Variants in RPH3A observed in about 807,000 individuals in gnomAD.
RPH3A encodes the protein rabphilin-3A.
A neutral mutation model predicts 102.2 loss-of-function variants in RPH3A; 48 were observed. The observed-to-expected ratio is 0.47, with a 90% CI of 0.37 to 0.60. RPH3A has a LOEUF of 0.60. Among genes scored for constraint, RPH3A ranks in the 20% least tolerant of loss-of-function variants. The pLI, the probability that RPH3A is intolerant of heterozygous loss-of-function variation, is 0.00. For missense variants in RPH3A, 781 were observed against 910.1 expected (o/e 0.86, Z 1.83); for synonymous variants, 310 against 324.3 (o/e 0.96, Z 0.47).
At chr12:112,830,469 G>A (rs1356867752) in intron 3 of RPH3A, among the ~76,000 whole-genome samples, 3 of 152,154 alleles carry the variant, frequency 2.0e-5, no homozygotes, top group East Asian at 1.9e-4. Flanking sequence ...TATGCTCAAT[G>A]AGTACATAAG....
chr12:112,677,391 CTCCCTCCCTCCCTCCCTCCT>C (rs2040185535), intron 1 of RPH3A, among the ~76,000 whole-genome samples: 2 of 58,214 alleles, frequency 3.4e-5, no homozygotes, highest in Admixed American at 4.2e-4. Flanking sequence ...CCCTCCCTCC[CTCCCTCCCTCCCTCCCTCCT>C]TCCCTCCTTC....
At chr12:112,884,330 C>G (rs1202590951) in intron 16 of RPH3A, among the ~76,000 whole-genome samples, 1 of 152,188 alleles carries the variant, frequency 6.6e-6, no homozygotes, top group East Asian at 1.9e-4. Flanking sequence ...TTTGTATATT[C>G]TATCTCCCAC....
intron 16 of RPH3A, among the ~76,000 whole-genome samples, chr12:112,885,066 G>C (rs2042982980): frequency 6.6e-6 from 1 of 152,102 alleles, no homozygotes; most frequent in Non-Finnish European, 1.5e-5. Context: ...TTGCTATTTA[G>C]TATTTTATTG....
rs112929864 is a variant in RPH3A at position 112,696,181 on chromosome 12, G to C, written c.-139-95962G>C. 3.9e-5 allele frequency among the ~76,000 whole-genome samples: 6 copies of C among 152,250 alleles called. 2 individuals are homozygous for C. Among genetic ancestry groups the C allele is most frequent in the African/African-American group, 1.4e-4 (6 of 41,530 alleles). On this transcript the variant is annotated intron_variant, in intron 1 of 21. Transcript: ENST00000543106. Reference sequence around the variant, plus strand: ...AGACATTGTTTTGTTCCTTTTTATGGCTGAGTAATATTCCATGGTGTATAT... The same window carrying C: ...AGACATTGTTTTGTTCCTTTTTATGCCTGAGTAATATTCCATGGTGTATAT...
intron 1 of RPH3A, among the ~76,000 whole-genome samples, chr12:112,701,238 G>T (rs1240791574): frequency 6.6e-6 from 1 of 152,102 alleles, no homozygotes; most frequent in Admixed American, 6.5e-5. Flanking sequence ...GGTGAGTTTT[G>T]AACAGAAAAA....
At chr12:112,591,330 C>T (rs2039476633) in intron 1 of RPH3A, among the ~76,000 whole-genome samples, 1 of 152,186 alleles carries the variant, frequency 6.6e-6, no homozygotes, top group South Asian at 2.1e-4. Context: ...AAGCGATCCT[C>T]CCACCTCAGC....
chr12:112,724,599 A>G (rs563246478), intron 1 of RPH3A, among the ~76,000 whole-genome samples: 13 of 152,348 alleles, frequency 8.5e-5, no homozygotes, highest in South Asian at 2.1e-4. Flanking sequence ...ATAGTCACCA[A>G]CCAGGTTATT....
At chr12:112,782,675 C>A (rs79180929) in intron 1 of RPH3A, among the ~76,000 whole-genome samples, 2 of 152,160 alleles carry the variant, frequency 1.3e-5, no homozygotes, top group African/African-American at 2.4e-5. Flanking sequence ...TGAATGGAGT[C>A]ATCTTTTCTA....
rs187600565 is a variant in RPH3A, at chr12:112,714,171, G to A, written c.-139-77972G>A. Among the ~76,000 whole-genome samples, 8 of 152,290 alleles carry A rather than the reference G, an allele frequency of 5.3e-5. 1 individual carries two copies. Among genetic ancestry groups the A allele is most frequent in the Admixed American group, 3.9e-4 (6 of 15,304 alleles). ...GTTCAGAAGGCTGGAGAGGGCACGA[G>A]CAGCCTCCTAGATATTGCAGACCCC... On this transcript the variant is annotated intron_variant, in intron 1 of 21. Coordinates refer to the RPH3A transcript ENST00000543106.
chr12:112,686,871 C>T (rs1455195664), intron 1 of RPH3A, among the ~76,000 whole-genome samples: 1 of 152,178 alleles, frequency 6.6e-6, no homozygotes, highest in Non-Finnish European at 1.5e-5. Flanking sequence ...GTGGCTCACG[C>T]CTGTAATCCT....
rs1555204011 is a variant in RPH3A, at chr12:112,713,051, C to CTTCTTCTTCTT, written c.-139-79092_-139-79091insTTCTTCTTCTT. On this transcript the variant is annotated intron_variant, in intron 1 of 21. Transcript: ENST00000543106. ...TTCTTCTTCTTCTTCTTCTTCTTCT[C>CTTCTTCTTCTT]CTTCTTCTTCTTCTTCTTCTTCTTC... 3.5e-3 allele frequency among the ~76,000 whole-genome samples: 304 copies of CTTCTTCTTCTT among 85,848 alleles called. 38 individuals are homozygous for CTTCTTCTTCTT. In the East Asian group the frequency reaches 0.038, roughly 11 times the overall value. The allele number at this position is 85,848 out of a possible 152,430, so 56.3% of individuals were successfully genotyped here.
intron 1 of RPH3A, among the ~76,000 whole-genome samples, chr12:112,776,830 T>G (rs1323573555): frequency 7.9e-6 from 1 of 125,788 alleles, no homozygotes. Flanking sequence ...GCCGAGATCA[T>G]GCCACTGTAC....
rs2041124224 is a variant in RPH3A, at chr12:112,791,905, A to AGAGAGAGAGAGAGAGAGAGAGT, written c.-247_-246insGAGAGAGAGAGAGAGAGAGAGT. ...GAGAGAGAGAGAGAGAGAGAGAGAG[A>AGAGAGAGAGAGAGAGAGAGAGT]CTCACAGAGCTAAAACCTTCATCCA... On this transcript the variant is annotated 5_prime_UTR_variant, in exon 1 of 22. Transcript: ENST00000389385. 1 of 148,980 alleles carries AGAGAGAGAGAGAGAGAGAGAGT rather than the reference A, an allele frequency of 6.7e-6. No individual in the cohort carries two copies. Among genetic ancestry groups the AGAGAGAGAGAGAGAGAGAGAGT allele is most frequent in the African/African-American group, 2.5e-5 (1 of 40,442 alleles). 9.2% of individuals were successfully genotyped at this position (148,980 alleles called of 1,614,324 possible).
Position 112,658,887 on chromosome 12 carries a change from A to G in RPH3A, c.-140+83568A>G, listed in dbSNP as rs1191144232. On this transcript the variant is annotated intron_variant, in intron 1 of 21. Coordinates refer to the RPH3A transcript ENST00000543106. ...GCCAACGGCGCCTCATGGTCCATCT[A>G]CTTGGGCTTGGAGGAAGGGGGAAAA... Among the ~76,000 whole-genome samples, 5 of 152,138 alleles carry G rather than the reference A, an allele frequency of 3.3e-5. No individual in the cohort carries two copies. The East Asian group carries it at 5.8e-4, about 18-fold the overall frequency.
At chr12:112,838,113 CAA>C (rs1773401348) in intron 4 of RPH3A, among the ~76,000 whole-genome samples, 1 of 152,104 alleles carries the variant, frequency 6.6e-6, no homozygotes, top group African/African-American at 2.4e-5. Flanking sequence ...CTGTGGAGCA[CAA>C]AGACAGTCAC....
intron 1 of RPH3A, among the ~76,000 whole-genome samples, chr12:112,581,123 A>C (rs2039397910): frequency 6.6e-6 from 1 of 152,142 alleles, no homozygotes; most frequent in South Asian, 2.1e-4. Context: ...TGTTTAGCAG[A>C]TTTGTATTAG....
rs531874695 is a variant in RPH3A at position 112,703,017 on chromosome 12, A to G, written c.-139-89126A>G. On this transcript the variant is annotated intron_variant, in intron 1 of 21. Coordinates refer to the RPH3A transcript ENST00000543106. Reference sequence around the variant, plus strand: ...ACTTGCTCTAGCCAACAGAATGACTAGGAAGCAAGGATGTGCCAGTTCTGA... The same window carrying G: ...ACTTGCTCTAGCCAACAGAATGACTGGGAAGCAAGGATGTGCCAGTTCTGA... Among the ~76,000 whole-genome samples the G allele has an allele frequency of 2.2e-4, 34 of 152,334 alleles. 1 individual carries two copies. In the South Asian group the frequency reaches 4.4e-3, roughly 20 times the overall value.
chr12:112,818,992 T>C (rs994959003), intron 2 of RPH3A, among the ~76,000 whole-genome samples: 1 of 152,048 alleles, frequency 6.6e-6, no homozygotes, highest in Admixed American at 6.6e-5. Context: ...ATTAACTCAT[T>C]GGTTCCTCTC....
chr12:112,583,169 A>T (rs559715848), intron 1 of RPH3A, among the ~76,000 whole-genome samples: 71 of 152,258 alleles, frequency 4.7e-4, no homozygotes, highest in African/African-American at 1.6e-3. Flanking sequence ...CCTAATTTTC[A>T]TTGAGTTCTT....
Sources: gnomAD v4.1 joint callset for allele counts (sites outside exome capture counted in the v4.1 genomes callset) on GRCh38, gnomAD v4.1.1 for gene constraint, MANE v1.5 for transcripts, NCBI Gene and HGNC (gene_info 2026-07-23, HGNC 2026-07-21) for gene names.